Variants in DCX observed in about 807,000 individuals in gnomAD.
The protein encoded by DCX is neuronal migration protein doublecortin.
DCX carries 4 observed loss-of-function variants against 20.9 expected under a neutral mutation model. The observed-to-expected ratio is 0.19, with a 90% confidence interval of 0.09 to 0.44. The LOEUF is 0.44. Among genes scored for constraint, DCX ranks in the 20% least tolerant of loss-of-function variants. DCX has a pLI of 0.99. For missense variants in DCX, 133 were observed against 296.9 expected, an observed-to-expected ratio of 0.45 and a Z score of 4.06; for synonymous variants, 103 against 111.4, an observed-to-expected ratio of 0.92 and a Z score of 0.47.
At chrX:111,401,769 A>G (rs1927814233) in intron 2 of DCX, among the ~76,000 whole-genome samples, 2 of 112,237 alleles carry the variant, frequency 1.8e-5, no homozygotes, top group Non-Finnish European at 3.8e-5. Context: ...CCTTTGTGAT[A>G]TTATGAACCA....
At position 111,330,904 on chromosome X, in the gene DCX, C is replaced by T. The variant is rs867190240; in HGVS notation, c.946G>A (p.Ala316Thr). 7.4e-6 allele frequency: 9 copies of T among 1,209,935 alleles called. No individual in the cohort carries two copies. The highest frequency in any genetic ancestry group is 4.4e-5 in the Admixed American group (2 of 45,798). ...SPADSGNDQD[A>T]NGTSSSQLST... ...GCACAGTTAGGAAAAGAGCACTCAC[C>T]GTCTTGGTCGTTACCTGAGTCAGCT... The change falls in exon 5 of 7, where the codon GCA (alanine) becomes ACA (threonine). Residue 316 changes from alanine (A) to threonine (T), a missense_variant and splice_region_variant. Transcript: ENST00000636035.
Position 111,316,091 on chromosome X carries a change from A to AAT in DCX, c.947-3356_947-3355insAT, listed in dbSNP as rs1556369825. Among the ~76,000 whole-genome samples, 799 of 96,502 alleles carry AAT rather than the reference A, an allele frequency of 8.3e-3. 11 individuals carry two copies. The highest frequency in any genetic ancestry group is 9.8e-3 in the African/African-American group (217 of 22,042). The allele number at this position is 96,502 out of a possible 115,157, so 83.8% of individuals were successfully genotyped here. A position where few individuals can be genotyped will look rare whatever the true frequency, so the allele number is the denominator to read the frequency against. ...ACTTAGAGTATAATAAAAAATAAAA[A>AAT]AAAAAAAAAAAAAAAAAAATGTTAA... On this transcript the variant is annotated intron_variant, in intron 5 of 6. Coordinates refer to ENST00000636035, the MANE Select transcript of DCX (RefSeq NM_001195553.2).
intron 3 of DCX, among the ~76,000 whole-genome samples, chrX:111,351,476 A>G (rs1383334265): frequency 2.7e-5 from 3 of 112,653 alleles, no homozygotes; most frequent in Non-Finnish European, 5.6e-5. Flanking sequence ...TGTTCCAGTT[A>G]GCATGTAAAC....
chrX:111,373,099 T>C (rs1017496997), intron 3 of DCX, among the ~76,000 whole-genome samples: 1 of 111,761 alleles, frequency 8.9e-6, no homozygotes, highest in Non-Finnish European at 1.9e-5. Flanking sequence ...TGAAATGAAG[T>C]TTTCTGTTAG....
At chrX:111,306,256 C>A (rs907480030) in intron 6 of DCX, among the ~76,000 whole-genome samples, 1 of 110,828 alleles carries the variant, frequency 9.0e-6, no homozygotes, top group Non-Finnish European at 1.9e-5. Flanking sequence ...GCCATGCAAT[C>A]AGTAACTAAA....
chrX:111,319,164 T>C (rs2095080909), intron 5 of DCX, among the ~76,000 whole-genome samples: 1 of 111,482 alleles, frequency 9.0e-6, no homozygotes, highest in Non-Finnish European at 1.9e-5. Flanking sequence ...TGAAGGAGAG[T>C]CACAGAAGAA....
chrX:111,389,611 G>A (rs952162612), intron 3 of DCX, among the ~76,000 whole-genome samples: 2 of 111,592 alleles, frequency 1.8e-5, no homozygotes, highest in African/African-American at 3.3e-5. Context: ...CCAGCTACTC[G>A]GGAGGCTAAA....
chrX:111,397,695 C>T (rs1044562565), intron 3 of DCX, among the ~76,000 whole-genome samples: 2 of 111,702 alleles, frequency 1.8e-5, no homozygotes, highest in Middle Eastern at 4.7e-3. Flanking sequence ...ATTAAAGTTA[C>T]GGTAGTTAGT....
intron 5 of DCX, among the ~76,000 whole-genome samples, chrX:111,318,898 A>G (rs1411615772): frequency 1.8e-5 from 2 of 111,710 alleles, no homozygotes; most frequent in East Asian, 5.6e-4. Context: ...CTCCCATGAC[A>G]TGCAGTTTAC....
intron 3 of DCX, among the ~76,000 whole-genome samples, chrX:111,361,993 G>T (rs192339906): frequency 2.0e-4 from 22 of 111,706 alleles, no homozygotes; most frequent in Admixed American, 8.6e-4. Context: ...GGTTCAGCTT[G>T]CTCCTTGTTT....
intron 3 of DCX, among the ~76,000 whole-genome samples, chrX:111,378,779 A>C (rs960464525): frequency 9.0e-6 from 1 of 111,520 alleles, no homozygotes; most frequent in African/African-American, 3.3e-5. Flanking sequence ...TGCTGCTAAG[A>C]TATGAATGTG....
At chrX:111,363,272 C>T (rs548549042) in intron 3 of DCX, among the ~76,000 whole-genome samples, 4 of 110,745 alleles carry the variant, frequency 3.6e-5, no homozygotes, top group African/African-American at 1.3e-4. Context: ...TGCTTCACCA[C>T]AGAACACAAG....
At position 111,308,655 on chromosome X, in the gene DCX, G is replaced by A. The variant is rs748364794; in HGVS notation, c.1044+3984C>T. 6.3e-5 allele frequency among the ~76,000 whole-genome samples: 7 copies of A among 111,189 alleles called. No individual in the cohort carries two copies. The South Asian group carries it at 2.7e-3, about 43-fold the overall frequency. ...CTCATCAAAGGGCCTCTCCAAGCACGTATAAGAGGACAAAAGAAGTCTGGA... is the reference window on the plus strand; with the variant it reads ...CTCATCAAAGGGCCTCTCCAAGCACATATAAGAGGACAAAAGAAGTCTGGA... On this transcript the variant is annotated intron_variant, in intron 6 of 6. Coordinates refer to ENST00000636035, the MANE Select transcript of DCX (RefSeq NM_001195553.2).
At chrX:111,356,409 C>G (rs1373520451) in intron 3 of DCX, among the ~76,000 whole-genome samples, 1 of 112,853 alleles carries the variant, frequency 8.9e-6, no homozygotes, top group Non-Finnish European at 1.9e-5. Context: ...TCTGCTGTCC[C>G]AGGCTCAGGG....
chrX:111,361,835 T>C (rs184048879), intron 3 of DCX, among the ~76,000 whole-genome samples: 1 of 112,018 alleles, frequency 8.9e-6, no homozygotes, highest in Admixed American at 9.5e-5. Context: ...GAAAATGAAA[T>C]TAGTGATACC....
intron 3 of DCX, among the ~76,000 whole-genome samples, chrX:111,358,643 T>C (rs1483741909): frequency 1.8e-5 from 2 of 111,681 alleles, no homozygotes; most frequent in East Asian, 5.6e-4. Context: ...GGACAAAAAA[T>C]GAGGTATAAA....
chrX:111,313,524 C>T (rs1191807719), intron 5 of DCX, among the ~76,000 whole-genome samples: 2 of 111,794 alleles, frequency 1.8e-5, no homozygotes, highest in Non-Finnish European at 3.8e-5. Context: ...GGAAGAAAGG[C>T]ATAGAGACAC....
intron 4 of DCX, 89 bp from the exon 5 acceptor site, chrX:111,331,130 G>A: frequency 9.5e-7 from 1 of 1,052,662 alleles, no homozygotes; most frequent in Non-Finnish European, 1.3e-6. Flanking sequence ...ACCATCACAG[G>A]CCAAAGGACC....
intron 3 of DCX, among the ~76,000 whole-genome samples, chrX:111,377,952 C>T (rs1925671482): frequency 9.0e-6 from 1 of 111,086 alleles, no homozygotes; most frequent in Admixed American, 9.6e-5. Context: ...TCCTTCTTAG[C>T]AGTGTGTAAG....
Sources: allele counts gnomAD v4.1 joint callset (sites outside exome capture counted in the v4.1 genomes callset), GRCh38; gene constraint gnomAD v4.1.1; transcripts MANE v1.5; gene names NCBI Gene and HGNC (gene_info 2026-07-23, HGNC 2026-07-21).